DEAF1: variants seen among roughly 807,000 people sequenced by gnomAD.
The protein encoded by DEAF1 is DEAF1 transcription factor.
DEAF1 carries 53 observed loss-of-function variants against 58.9 expected under a neutral mutation model. That is an observed-to-expected ratio of 0.90 (90% confidence interval 0.72 to 1.13). The LOEUF is 1.13. DEAF1 is among the 50% of genes most tolerant of loss of function. DEAF1 has a pLI of 0.00. For missense variants in DEAF1, 685 were observed against 791.4 expected (o/e 0.87, Z 1.61); for synonymous variants, 385 against 340.4 (o/e 1.13, Z -1.44).
At chr11:677,150 G>C (rs1306863980) in intron 9 of DEAF1, among the ~76,000 whole-genome samples, 1 of 150,026 alleles carries the variant, frequency 6.7e-6, no homozygotes, top group Non-Finnish European at 1.5e-5. Context: ...CCAGTTAATA[G>C]AGATGGGGTC....
At chr11:648,563 G>A (rs1286754265) in intron 11 of DEAF1, among the ~76,000 whole-genome samples, 6 of 152,034 alleles carry the variant, frequency 3.9e-5, no homozygotes, top group Admixed American at 6.6e-5. Flanking sequence ...CTGGAGGTCC[G>A]GCTGGAAGGC....
chr11:644,266 CGTAT>C lies in DEAF1; in HGVS notation c.*280_*283del. ...TTACACTTTATTGACAGACACAACA[CGTAT>C]GTATGTGCGTCGCAGCACAGGCCCT... On this transcript the variant is annotated 3_prime_UTR_variant, in exon 12 of 12. Transcript: ENST00000382409. The surrounding 1 kb of genome is among the most constrained non-coding windows in gnomAD (Gnocchi z 4.3). 1.9e-6 allele frequency: 1 copy of C among 534,642 alleles called. No individual in the cohort carries two copies. The highest frequency in any genetic ancestry group is 3.4e-6 in the Non-Finnish European group (1 of 294,032). 33.1% of individuals were successfully genotyped at this position (534,642 alleles called of 1,614,324 possible).
upstream of DEAF1, chr11:699,751 CA>C (rs891952478): frequency 0.019 from 3,092 of 165,180 alleles, 13 homozygotes; most frequent in South Asian, 0.032. Context: ...GACTCTATCT[CA>C]AAAAAAAAAA....
At chr11:646,380 C>G (rs1858500205) in intron 11 of DEAF1, 1 of 152,192 alleles carries the variant, frequency 6.6e-6, no homozygotes, top group Non-Finnish European at 1.5e-5. Flanking sequence ...TCCCGGGCCT[C>G]CACTCTGGGG....
At chr11:649,742 G>A (rs912509273) in intron 11 of DEAF1, among the ~76,000 whole-genome samples, 6 of 151,046 alleles carry the variant, frequency 4.0e-5, no homozygotes, top group East Asian at 2.0e-4. Context: ...AAAACAGGCC[G>A]AGTTCCAGTG....
chr11:702,011 G>A (rs923433274), intron 1 of DEAF1, among the ~76,000 whole-genome samples: 2 of 152,196 alleles, frequency 1.3e-5, no homozygotes, highest in African/African-American at 2.4e-5. Flanking sequence ...CGTGGGGAAC[G>A]CAATGGGCAC....
At chr11:653,878 G>T in intron 11 of DEAF1, 84 bp downstream of exon 11, 1 of 1,204,816 alleles carries the variant, frequency 8.3e-7, no homozygotes, top group Non-Finnish European at 1.2e-6. Flanking sequence ...GGCACCAGGA[G>T]CACAAGGGGA....
chr11:673,602 T>C (rs898541626), intron 10 of DEAF1, among the ~76,000 whole-genome samples: 13 of 152,048 alleles, frequency 8.5e-5, no homozygotes, highest in Admixed American at 7.2e-4. Flanking sequence ...GTGGGAAAAA[T>C]ATGAATTTGA....
At chr11:648,197 T>C (rs1361648404) in intron 11 of DEAF1, among the ~76,000 whole-genome samples, 1 of 59,138 alleles carries the variant, frequency 1.7e-5, no homozygotes, top group Non-Finnish European at 3.3e-5. Flanking sequence ...TATCACTGCC[T>C]TTTTTTTTTT....
chr11:704,268 G>A (rs979582309), intron 1 of DEAF1: 7 of 709,774 alleles, frequency 9.9e-6, no homozygotes, highest in Non-Finnish European at 1.4e-5. Context: ...TCCGCTCGGT[G>A]GACTCCTGAG....
intron 8 of DEAF1, among the ~76,000 whole-genome samples, chr11:679,406 T>C (rs1161550005): frequency 6.6e-6 from 1 of 152,188 alleles, no homozygotes; most frequent in African/African-American, 2.4e-5. Flanking sequence ...TGCATTTCTG[T>C]TGCACAACTG....
chr11:679,928 C>A, intron 7 of DEAF1, 112 bp from the exon 8 acceptor site: 1 of 1,445,060 alleles, frequency 6.9e-7, no homozygotes, highest in Non-Finnish European at 9.5e-7. Flanking sequence ...GAAGGGCGGG[C>A]AGTGGTAACT....
rs1861068100 is a variant in DEAF1, at chr11:695,183, GA to G, written c.-137del. On this transcript the variant is annotated 5_prime_UTR_variant, in exon 1 of 12. Coordinates refer to ENST00000382409, the MANE Select transcript of DEAF1 (RefSeq NM_021008.4). ...CGAAGCCGCCGCCCGAATAGGGACC[GA>G]AAAGGCAGCCAGCCGCCGAGCAGAG... 4 of 801,530 alleles carry G rather than the reference GA, an allele frequency of 5.0e-6. No individual in the cohort carries two copies. Among genetic ancestry groups the G allele is most frequent in the Non-Finnish European group, 5.2e-6 (3 of 581,014 alleles). 49.7% of individuals were successfully genotyped at this position (801,530 alleles called of 1,614,324 possible). A position where few individuals can be genotyped will look rare whatever the true frequency, so the allele number is the denominator to read the frequency against.
chr11:684,123 CT>C lies in DEAF1; in HGVS notation c.870+774del, dbSNP rs34831036. On this transcript the variant is annotated intron_variant, in intron 6 of 11. Coordinates refer to ENST00000382409, the MANE Select transcript of DEAF1 (RefSeq NM_021008.4). ...AGAACACGGTAGGTCTCTCCATGCT[CT>C]TTTTTTTTTTTTTTGAGGTGCAGTG... 4.5e-3 allele frequency among the ~76,000 whole-genome samples: 651 copies of C among 143,770 alleles called. 1 individual carries two copies. The highest frequency in any genetic ancestry group is 6.4e-3 in the Non-Finnish European group (420 of 66,006). The allele number at this position is 143,770 out of a possible 152,430, so 94.3% of individuals were successfully genotyped here. A position where few individuals can be genotyped will look rare whatever the true frequency, so the allele number is the denominator to read the frequency against.
rs558436376 is a variant in DEAF1, at chr11:670,931, G to GTTTTT, written c.1503+3600_1503+3604dup. On this transcript the variant is annotated intron_variant, in intron 10 of 11. Coordinates refer to ENST00000382409, the MANE Select transcript of DEAF1 (RefSeq NM_021008.4). ...TGGCATGTCACCACACCTGGCTAAT[G>GTTTTT]TTTTTTTTTTTTTTTGAGACAGAGT... Among the ~76,000 whole-genome samples, 143 of 91,374 alleles carry GTTTTT rather than the reference G, an allele frequency of 1.6e-3. 19 individuals are homozygous for GTTTTT. The highest frequency in any genetic ancestry group is 8.8e-3 in the Middle Eastern group (1 of 114). 59.9% of individuals were successfully genotyped at this position (91,374 alleles called of 152,430 possible).
chr11:670,081 G>GA (rs56213610), intron 10 of DEAF1, among the ~76,000 whole-genome samples: 66 of 146,676 alleles, frequency 4.5e-4, no homozygotes, highest in East Asian at 1.2e-3. Flanking sequence ...AAAGAGAAAA[G>GA]AAAAAAAAAA....
chr11:661,170 G>C (rs1011363520), intron 10 of DEAF1, among the ~76,000 whole-genome samples: 1 of 152,206 alleles, frequency 6.6e-6, no homozygotes, highest in African/African-American at 2.4e-5. Context: ...AATGGGGTTT[G>C]CGCTCAGGGC....
Position 688,533 on chromosome 11 carries a change from C to T in DEAF1, c.388-73G>A. 2 of 1,593,410 alleles carry T rather than the reference C, an allele frequency of 1.3e-6. No individual in the cohort carries two copies. Among genetic ancestry groups the T allele is most frequent in the Non-Finnish European group, 1.7e-6 (2 of 1,167,236 alleles). On this transcript the variant is annotated intron_variant, in intron 2 of 11. Coordinates refer to ENST00000382409, the MANE Select transcript of DEAF1 (RefSeq NM_021008.4). This position sits in a 1 kb window ranked among gnomAD's most constrained non-coding sequence, Gnocchi z 4.3. Reference sequence around the variant, plus strand: ...GGCGTGTCACTGAGCCCAGCTGGGCCGTCCTCCAGCAGGGCTCTCTGGCTG... The same window carrying T: ...GGCGTGTCACTGAGCCCAGCTGGGCTGTCCTCCAGCAGGGCTCTCTGGCTG...
At chr11:651,802 C>T (rs1320880680) in intron 11 of DEAF1, among the ~76,000 whole-genome samples, 4 of 152,226 alleles carry the variant, frequency 2.6e-5, no homozygotes, top group Non-Finnish European at 5.9e-5. Context: ...AGGAGAATGG[C>T]GTGAACCTGG....
Sources: gnomAD v4.1 joint callset for allele counts (sites outside exome capture counted in the v4.1 genomes callset) on GRCh38, gnomAD v4.1.1 for gene constraint, Gnocchi (gnomAD v3.1) non-coding constraint, MANE v1.5 for transcripts, NCBI Gene and HGNC (gene_info 2026-07-23, HGNC 2026-07-21) for gene names.